RSRC1: variants seen among roughly 807,000 people sequenced by gnomAD.
RSRC1 encodes serine/Arginine-related protein 53.
RSRC1 carries 39 observed loss-of-function variants against 49.1 expected under a neutral mutation model. That is an observed-to-expected ratio of 0.79 (90% CI 0.61 to 1.04). The LOEUF is 1.04. Among genes scored for constraint, RSRC1 ranks in the 50% least tolerant of loss-of-function variants. The pLI, the probability that RSRC1 is intolerant of heterozygous loss-of-function variation, is 0.00. For missense variants in RSRC1, 388 were observed against 402.4 expected (o/e 0.96, Z 0.31); for synonymous variants, 143 against 130.8 (o/e 1.09, Z -0.63).
chr3:158,213,650 G>A (rs1721807890), intron 4 of RSRC1, among the ~76,000 whole-genome samples: 1 of 151,880 alleles, frequency 6.6e-6, no homozygotes, highest in Admixed American at 6.6e-5. Context: ...TTTGGCCCCT[G>A]TGGATATGCC....
chr3:158,494,704 GTTTTAAC>G (rs1739234808), intron 7 of RSRC1, among the ~76,000 whole-genome samples: 2 of 151,480 alleles, frequency 1.3e-5, no homozygotes, highest in South Asian at 4.2e-4. Context: ...TTTTTTAACT[GTTTTAAC>G]TTTAAAACTT....
chr3:158,464,867 A>C (rs753507231), intron 7 of RSRC1, among the ~76,000 whole-genome samples: 10 of 151,734 alleles, frequency 6.6e-5, no homozygotes, highest in Non-Finnish European at 1.2e-4. Flanking sequence ...GTAGCTGATA[A>C]GTGGTGAAGC....
At position 158,190,284 on chromosome 3, in the gene RSRC1, T is replaced by G. The variant is rs1398038029; in HGVS notation, c.321-12788T>G. The stretch of plus-strand genomic sequence containing the variant: ...CTTTCTACATGTGGATGGCTTTAGT[T>G]ACAGGACTGTTCTTGCATTATGATT... On this transcript the variant is annotated intron_variant, in intron 3 of 9. Transcript: ENST00000611884. 3.3e-5 allele frequency among the ~76,000 whole-genome samples: 5 copies of G among 152,026 alleles called. No homozygotes were observed. In the East Asian group the frequency reaches 9.6e-4, roughly 29 times the overall value.
chr3:158,208,325 A>G (rs1453551630), intron 4 of RSRC1, among the ~76,000 whole-genome samples: 4 of 152,154 alleles, frequency 2.6e-5, no homozygotes, highest in Non-Finnish European at 4.4e-5. Flanking sequence ...GGAGTAAAGA[A>G]TGGCTACTCC....
intron 6 of RSRC1, among the ~76,000 whole-genome samples, chr3:158,447,854 C>A (rs941173999): frequency 2.0e-5 from 3 of 151,820 alleles, no homozygotes; most frequent in Non-Finnish European, 4.4e-5. Context: ...ACTATCACAT[C>A]CCATCCTTGA....
intron 7 of RSRC1, among the ~76,000 whole-genome samples, chr3:158,526,617 C>G (rs989550010): frequency 3.3e-5 from 5 of 151,948 alleles, no homozygotes; most frequent in Non-Finnish European, 7.4e-5. Flanking sequence ...AGCCTAGCAC[C>G]TGGCATAAAT....
chr3:158,147,437 T>G (rs1717210662), intron 3 of RSRC1, among the ~76,000 whole-genome samples: 2 of 152,002 alleles, frequency 1.3e-5, no homozygotes, highest in South Asian at 4.1e-4. Flanking sequence ...CAACTCATGT[T>G]TTTGTATTTA....
At chr3:158,433,593 C>T (rs1735891529) in intron 6 of RSRC1, among the ~76,000 whole-genome samples, 1 of 151,954 alleles carries the variant, frequency 6.6e-6, no homozygotes. Context: ...GATATTTTAG[C>T]ACACATATTA....
chr3:158,449,019 T>C (rs1364392440), intron 6 of RSRC1, among the ~76,000 whole-genome samples: 2 of 151,930 alleles, frequency 1.3e-5, no homozygotes, highest in Non-Finnish European at 2.9e-5. Context: ...AGATACCATA[T>C]CATTTTGTAG....
chr3:158,366,090 G>A (rs1389222753), intron 6 of RSRC1, among the ~76,000 whole-genome samples: 1 of 152,166 alleles, frequency 6.6e-6, no homozygotes, highest in East Asian at 1.9e-4. Flanking sequence ...CTCCCATTCT[G>A]TAGGTTGTCT....
rs945810993 is a variant in RSRC1, at chr3:158,506,861, A to T, written c.653-30231A>T. Reference sequence around the variant, plus strand: ...TTTATATATGTATATATTTATATATATTTTATATATGTATATGTTTATTTT... The same window carrying T: ...TTTATATATGTATATATTTATATATTTTTTATATATGTATATGTTTATTTT... On this transcript the variant is annotated intron_variant, in intron 7 of 9. Coordinates refer to ENST00000611884, the MANE Select transcript of RSRC1 (RefSeq NM_001271838.2). Among the ~76,000 whole-genome samples the T allele has an allele frequency of 1.5e-4, 23 of 148,986 alleles. No homozygotes were observed. In the East Asian group the frequency reaches 3.3e-3, roughly 21 times the overall value.
At chr3:158,221,464 A>G (rs1722218839) in intron 4 of RSRC1, among the ~76,000 whole-genome samples, 2 of 151,364 alleles carry the variant, frequency 1.3e-5, no homozygotes, top group South Asian at 4.1e-4. Context: ...TTAGCTTTCC[A>G]TTTTCTAATA....
At chr3:158,233,742 G>A (rs1021256380) in intron 4 of RSRC1, among the ~76,000 whole-genome samples, 2 of 152,050 alleles carry the variant, frequency 1.3e-5, no homozygotes, top group African/African-American at 4.8e-5. Context: ...TTATGCAAAT[G>A]AGTTTGATTT....
chr3:158,412,505 A>G lies in RSRC1; in HGVS notation c.584-48430A>G, dbSNP rs79127082. 3.2e-3 allele frequency among the ~76,000 whole-genome samples: 484 copies of G among 152,228 alleles called. 8 individuals are homozygous for G. The East Asian group carries it at 0.064, about 20-fold the overall frequency. On this transcript the variant is annotated intron_variant, in intron 6 of 9. Coordinates refer to ENST00000611884, the MANE Select transcript of RSRC1 (RefSeq NM_001271838.2). ...TGTTAGACTTATATATTTTCTATAC[A>G]TATTAAGTGTTCTTTTTATATTTGT...
intron 7 of RSRC1, among the ~76,000 whole-genome samples, chr3:158,511,200 C>T (rs1390400499): frequency 6.6e-6 from 1 of 151,976 alleles, no homozygotes; most frequent in African/African-American, 2.4e-5. Context: ...TGGTGCACTG[C>T]ACCCACTAAC....
chr3:158,316,666 G>A (rs924802931), intron 5 of RSRC1, among the ~76,000 whole-genome samples: 13 of 151,778 alleles, frequency 8.6e-5, no homozygotes, highest in Admixed American at 1.3e-4. Context: ...GGATGGTCTC[G>A]ATCTCCTGAC....
At position 158,518,148 on chromosome 3, in the gene RSRC1, A is replaced by ATTTTTTTTTTTTTT. The variant is rs72132266; in HGVS notation, c.653-18937_653-18924dup. On this transcript the variant is annotated intron_variant, in intron 7 of 9. Transcript: ENST00000611884. ...TGTGTATATATATATATATATATAT[A>ATTTTTTTTTTTTTT]TTTTTTTTTTTTTTTTTTTTACTCC... 2.7e-3 allele frequency among the ~76,000 whole-genome samples: 117 copies of ATTTTTTTTTTTTTT among 44,128 alleles called. 5 individuals are homozygous for ATTTTTTTTTTTTTT. The highest frequency in any genetic ancestry group is 5.1e-3 in the Admixed American group (15 of 2,922). The allele number at this position is 44,128 out of a possible 152,430, so 28.9% of individuals were successfully genotyped here. A position where few individuals can be genotyped will look rare whatever the true frequency, so the allele number is the denominator to read the frequency against.
intron 7 of RSRC1, among the ~76,000 whole-genome samples, chr3:158,527,630 A>G (rs1461229219): frequency 1.3e-5 from 2 of 152,066 alleles, no homozygotes; most frequent in East Asian, 1.9e-4. Context: ...GGTTTTTCCA[A>G]TCTTCTGATA....
intron 3 of RSRC1, among the ~76,000 whole-genome samples, chr3:158,133,128 A>G (rs929633821): frequency 6.6e-6 from 1 of 152,150 alleles, no homozygotes; most frequent in Non-Finnish European, 1.5e-5. Flanking sequence ...ATGTAATATG[A>G]AAAACTAATT....
Sources: gnomAD v4.1 joint callset for allele counts (sites outside exome capture counted in the v4.1 genomes callset) on GRCh38, gnomAD v4.1.1 for gene constraint, MANE v1.5 for transcripts, NCBI Gene and HGNC (gene_info 2026-07-23, HGNC 2026-07-21) for gene names.